Variants in ACAP2 observed in about 807,000 individuals in gnomAD.
ACAP2 encodes the protein arf-GAP with coiled-coil, ANK repeat and PH domain-containing protein 2.
ACAP2 carries 39 observed loss-of-function variants against 115.8 expected under a neutral mutation model. The ratio of observed to expected loss-of-function variants is 0.34; its 90% confidence interval spans 0.26 to 0.44. ACAP2 has a LOEUF of 0.44. ACAP2 is among the 20% of genes least tolerant of loss of function. ACAP2 has a pLI of 1.00. For synonymous variants in ACAP2, 289 were observed against 315.8 expected (o/e 0.92, Z 0.90); for missense variants, 662 against 927.6 (o/e 0.71, Z 3.72).
intron 2 of ACAP2, among the ~76,000 whole-genome samples, chr3:195,389,972 G>C (rs1377443185): frequency 6.6e-6 from 1 of 152,204 alleles, no homozygotes; most frequent in Non-Finnish European, 1.5e-5. Flanking sequence ...GAGGCGGGCG[G>C]ATTGCCTGAG....
At chr3:195,393,895 GA>G (rs1461321309) in intron 1 of ACAP2, among the ~76,000 whole-genome samples, 2 of 128,936 alleles carry the variant, frequency 1.6e-5, no homozygotes, top group Non-Finnish European at 3.3e-5. Context: ...GGGGGGGGGG[GA>G]AGCAAGCTAC....
At chr3:195,374,187 A>T (rs7636824) in intron 4 of ACAP2, among the ~76,000 whole-genome samples, 36,373 of 151,958 alleles carry the variant, frequency 0.24, 5,097 homozygotes, top group East Asian at 0.72. Flanking sequence ...GGAGTTCGAG[A>T]CCAGCCTGGC....
intron 1 of ACAP2, among the ~76,000 whole-genome samples, chr3:195,428,437 G>A (rs752506070): frequency 8.6e-5 from 13 of 151,082 alleles, no homozygotes; most frequent in Non-Finnish European, 1.5e-4. Flanking sequence ...ATACAACAGC[G>A]GTCCCATGGG....
At chr3:195,327,751 G>A (rs1219041821) in intron 8 of ACAP2, among the ~76,000 whole-genome samples, 2 of 152,104 alleles carry the variant, frequency 1.3e-5, no homozygotes, top group African/African-American at 4.8e-5. Flanking sequence ...CCAACATAGA[G>A]AAACCCCGTC....
In ACAP2 at chr3:195,301,819, G is replaced by C; in HGVS notation, c.1325+147C>G. 2.5e-6 allele frequency: 3 copies of C among 1,188,776 alleles called. No individual in the cohort carries two copies. The South Asian group carries it at 4.4e-5, about 18-fold the overall frequency. 73.6% of individuals were successfully genotyped at this position (1,188,776 alleles called of 1,614,324 possible). A position where few individuals can be genotyped will look rare whatever the true frequency, so the allele number is the denominator to read the frequency against. On this transcript the variant is annotated intron_variant, in intron 14 of 22. Coordinates refer to ENST00000326793, the MANE Select transcript of ACAP2 (RefSeq NM_012287.6). The stretch of plus-strand genomic sequence containing the variant: ...AGTCCTCAACAGCTTTTACAAACCA[G>C]GATTTTAACTACTTCTTAAAAGGTA...
intron 4 of ACAP2, among the ~76,000 whole-genome samples, chr3:195,374,249 G>T (rs1218095536): frequency 2.0e-5 from 3 of 152,082 alleles, no homozygotes; most frequent in Non-Finnish European, 4.4e-5. Flanking sequence ...AATTAGCCAG[G>T]CGTGGTGGCA....
intron 1 of ACAP2, among the ~76,000 whole-genome samples, chr3:195,425,838 G>T (rs1714646245): frequency 1.3e-5 from 2 of 152,020 alleles, no homozygotes; most frequent in African/African-American, 4.8e-5. Flanking sequence ...TTGATGCTAT[G>T]AAAAAATGTT....
intron 1 of ACAP2, among the ~76,000 whole-genome samples, chr3:195,402,996 G>A (rs557874662): frequency 8.5e-5 from 13 of 152,260 alleles, no homozygotes; most frequent in Admixed American, 7.2e-4. Context: ...TAAGTCAATT[G>A]GATGGTATGC....
At chr3:195,293,600 C>T (rs1230216938) in intron 18 of ACAP2, among the ~76,000 whole-genome samples, 2 of 152,070 alleles carry the variant, frequency 1.3e-5, no homozygotes, top group East Asian at 1.9e-4. Context: ...CCAGCACTTT[C>T]GGAGGCTGAG....
intron 1 of ACAP2, among the ~76,000 whole-genome samples, 191 bp downstream of exon 1, chr3:195,442,604 C>G (rs527334110): frequency 1.4e-3 from 212 of 152,332 alleles, no homozygotes; most frequent in African/African-American, 4.7e-3. Context: ...GTCCCCGCCA[C>G]TTCGTCGCCC....
chr3:195,295,614 T>TA (rs140076081), intron 17 of ACAP2, 94 bp downstream of exon 17: 30,819 of 1,366,934 alleles, frequency 0.023, 835 homozygotes, highest in South Asian at 0.094. Context: ...TTTTTAACAT[T>TA]AAAAAAAACG....
At chr3:195,414,556 A>G (rs997531499) in intron 1 of ACAP2, among the ~76,000 whole-genome samples, 2 of 152,218 alleles carry the variant, frequency 1.3e-5, no homozygotes, top group African/African-American at 4.8e-5. Context: ...AGGTGAATGG[A>G]TAAGGTGTGT....
intron 6 of ACAP2, among the ~76,000 whole-genome samples, chr3:195,338,106 C>T (rs1730635719): frequency 6.6e-6 from 1 of 152,200 alleles, no homozygotes; most frequent in Non-Finnish European, 1.5e-5. Context: ...TAGCTTCTTA[C>T]GTACTGTCTA....
chr3:195,423,264 C>G (rs991936550), intron 1 of ACAP2, among the ~76,000 whole-genome samples: 1 of 152,118 alleles, frequency 6.6e-6, no homozygotes, highest in Non-Finnish European at 1.5e-5. Flanking sequence ...TAGTAACAAC[C>G]GGTAACTCTA....
At chr3:195,408,284 G>A (rs1034168060) in intron 1 of ACAP2, among the ~76,000 whole-genome samples, 3 of 152,146 alleles carry the variant, frequency 2.0e-5, no homozygotes, top group South Asian at 2.1e-4. Flanking sequence ...GCAACACGGC[G>A]AAACCCTGTC....
At chr3:195,357,174 A>G (rs113778977) in intron 4 of ACAP2, among the ~76,000 whole-genome samples, 2 of 152,052 alleles carry the variant, frequency 1.3e-5, no homozygotes, top group African/African-American at 4.8e-5. Context: ...CAGTGACAAC[A>G]TTGTGGCAGT....
intron 4 of ACAP2, among the ~76,000 whole-genome samples, chr3:195,363,946 T>C (rs528152459): frequency 1.3e-5 from 2 of 152,316 alleles, no homozygotes; most frequent in East Asian, 1.9e-4. Flanking sequence ...TCTTGCCATA[T>C]ATAAATATCA....
At chr3:195,355,282 T>TTC (rs1491286352) in intron 4 of ACAP2, among the ~76,000 whole-genome samples, 63 of 452 alleles carry the variant, frequency 0.14, no homozygotes, top group East Asian at 0.25. Context: ...CTTTTTCTTC[T>TTC]TTTTTTTTTT....
intron 2 of ACAP2, among the ~76,000 whole-genome samples, chr3:195,383,151 CA>C (rs1734060294): frequency 6.6e-6 from 1 of 151,730 alleles, no homozygotes; most frequent in African/African-American, 2.4e-5. Flanking sequence ...TTGCTATTTA[CA>C]ATATAAAATA....
Sources: allele counts gnomAD v4.1 joint callset (sites outside exome capture counted in the v4.1 genomes callset), GRCh38; gene constraint gnomAD v4.1.1; transcripts MANE v1.5; gene names NCBI Gene and HGNC (gene_info 2026-07-23, HGNC 2026-07-21).